PCSK1: variants seen among roughly 807,000 people sequenced by gnomAD.
PCSK1 encodes the protein neuroendocrine convertase 1.
Under a neutral mutation model 90.6 loss-of-function variants are expected in PCSK1, and 56 were observed. The observed-to-expected ratio is 0.62, with a 90% CI of 0.50 to 0.77. The LOEUF is 0.77. Among genes scored for constraint, PCSK1 ranks in the 30% least tolerant of loss-of-function variants. PCSK1 has a pLI of 0.00. For synonymous variants in PCSK1, 348 were observed against 342.4 expected, an observed-to-expected ratio of 1.02 and a Z score of -0.18; for missense variants, 801 against 932.6, an observed-to-expected ratio of 0.86 and a Z score of 1.84.
chr5:96,425,715 A>T, intron 3 of PCSK1, 105 bp downstream of exon 3: 1 of 686,616 alleles, frequency 1.5e-6, no homozygotes, highest in Non-Finnish European at 2.6e-6. Flanking sequence ...GCTCCCTATG[A>T]AATTCTCCAT....
At chr5:96,425,229 C>A (rs978906298) in intron 3 of PCSK1, among the ~76,000 whole-genome samples, 3 of 152,188 alleles carry the variant, frequency 2.0e-5, no homozygotes, top group African/African-American at 7.2e-5. Context: ...ACAGACGTAA[C>A]ATTAAACAGA....
intron 2 of PCSK1, among the ~76,000 whole-genome samples, chr5:96,428,541 A>G (rs1761389557): frequency 6.6e-6 from 1 of 152,196 alleles, no homozygotes; most frequent in Non-Finnish European, 1.5e-5. Context: ...AACTGCCTCT[A>G]CCTTATTTAC....
chr5:96,423,503 C>T, intron 3 of PCSK1, 44 bp from the exon 4 acceptor site: 2 of 1,600,296 alleles, frequency 1.2e-6, no homozygotes, highest in Non-Finnish European at 8.6e-7. Flanking sequence ...TTATCATTTG[C>T]TTGCTACAAA....
intron 3 of PCSK1, among the ~76,000 whole-genome samples, chr5:96,425,540 A>G (rs114679760): frequency 0.025 from 3,745 of 152,316 alleles, 151 homozygotes; most frequent in African/African-American, 0.086. Context: ...CCTAACCTGC[A>G]AGATATTATT....
intron 3 of PCSK1, among the ~76,000 whole-genome samples, chr5:96,424,447 C>T (rs1761221089): frequency 6.6e-6 from 1 of 152,166 alleles, no homozygotes; most frequent in Admixed American, 6.5e-5. Context: ...GAATTATAGT[C>T]CCACCACTAG....
Position 96,392,906 on chromosome 5 carries a change from A to C in PCSK1, c.*95T>G, listed in dbSNP as rs1759995791. 8.1e-7 allele frequency: 1 copy of C among 1,234,758 alleles called. No individual in the cohort carries two copies. Among genetic ancestry groups the C allele is most frequent in the Admixed American group, 1.7e-5 (1 of 58,984 alleles). The allele number at this position is 1,234,758 out of a possible 1,614,324, so 76.5% of individuals were successfully genotyped here. A position where few individuals can be genotyped will look rare whatever the true frequency, so the allele number is the denominator to read the frequency against. On this transcript the variant is annotated 3_prime_UTR_variant, in exon 14 of 14. Transcript: ENST00000311106. ...GTGCCACAAAGGATATTATAAGCATAAGAATTCATGACAAAACAACCACTT... is the reference window on the plus strand; with the variant it reads ...GTGCCACAAAGGATATTATAAGCATCAGAATTCATGACAAAACAACCACTT...
intron 4 of PCSK1, 136 bp downstream of exon 4, chr5:96,423,177 A>G: frequency 1.3e-6 from 1 of 789,868 alleles, no homozygotes; most frequent in Non-Finnish European, 2.2e-6. Flanking sequence ...GGGAAGTGGG[A>G]GAAGGGACAT....
Position 96,392,902 on chromosome 5 carries a change from G to A in PCSK1, c.*99C>T, listed in dbSNP as rs1188993694. Reference sequence around the variant, plus strand: ...AAAGGTGCCACAAAGGATATTATAAGCATAAGAATTCATGACAAAACAACC... The same window carrying A: ...AAAGGTGCCACAAAGGATATTATAAACATAAGAATTCATGACAAAACAACC... On this transcript the variant is annotated 3_prime_UTR_variant, in exon 14 of 14. Coordinates refer to ENST00000311106, the MANE Select transcript of PCSK1 (RefSeq NM_000439.5). 8.5e-7 allele frequency: 1 copy of A among 1,175,860 alleles called. No individual in the cohort carries two copies. Among genetic ancestry groups the A allele is most frequent in the African/African-American group, 1.5e-5 (1 of 66,268 alleles). The allele number at this position is 1,175,860 out of a possible 1,614,324, so 72.8% of individuals were successfully genotyped here. A position where few individuals can be genotyped will look rare whatever the true frequency, so the allele number is the denominator to read the frequency against.
intron 13 of PCSK1, among the ~76,000 whole-genome samples, chr5:96,394,164 C>T (rs892575669): frequency 2.0e-5 from 3 of 152,146 alleles, no homozygotes; most frequent in Non-Finnish European, 2.9e-5. Context: ...CAGAGCAGGG[C>T]GTTCTGAAAA....
At chr5:96,422,878 C>A (rs528410044) in intron 4 of PCSK1, among the ~76,000 whole-genome samples, 1 of 149,424 alleles carries the variant, frequency 6.7e-6, no homozygotes, top group South Asian at 2.1e-4. Flanking sequence ...GTGGTATTCA[C>A]TTTGGATTTG....
chr5:96,394,386 G>T (rs1377489235), intron 13 of PCSK1, among the ~76,000 whole-genome samples: 1 of 152,202 alleles, frequency 6.6e-6, no homozygotes. Flanking sequence ...TTGCCAAGAA[G>T]TGTCAGTTAA....
rs115580806 is a variant in PCSK1 at position 96,410,150 on chromosome 5, A to G, written c.1095+624T>C. Among the ~76,000 whole-genome samples the G allele has an allele frequency of 7.1e-3, 1,079 of 152,184 alleles. 13 individuals are homozygous for G. Among genetic ancestry groups the G allele is most frequent in the African/African-American group, 0.025 (1,039 of 41,526 alleles). On this transcript the variant is annotated intron_variant, in intron 8 of 13. Transcript: ENST00000311106. ...TGCCCCTCCATCGTCATGCCCTTGAAGGGAAATCCAGTAATTGCCCTTGGC... is the reference window on the plus strand; with the variant it reads ...TGCCCCTCCATCGTCATGCCCTTGAGGGGAAATCCAGTAATTGCCCTTGGC...
rs1424774712 is a variant in PCSK1, at chr5:96,391,146, G to A, written c.*1855C>T. The A allele has an allele frequency of 6.6e-6, 1 of 152,132 alleles. No individual in the cohort carries two copies. The highest frequency in any genetic ancestry group is 1.5e-5 in the Non-Finnish European group (1 of 68,036). 9.4% of individuals were successfully genotyped at this position (152,132 alleles called of 1,614,324 possible). The stretch of plus-strand genomic sequence containing the variant: ...TCAAACAATATATGAAACTTCCAAG[G>A]ACAGAGTGATTCCGCAAGTCTTTTA... On this transcript the variant is annotated 3_prime_UTR_variant, in exon 14 of 14. Coordinates refer to ENST00000311106, the MANE Select transcript of PCSK1 (RefSeq NM_000439.5).
intron 8 of PCSK1, among the ~76,000 whole-genome samples, chr5:96,409,453 G>T (rs1203537329): frequency 6.6e-6 from 1 of 152,208 alleles, no homozygotes; most frequent in Non-Finnish European, 1.5e-5. Context: ...TGAGGAAAAG[G>T]TTTGCGTAAG....
chr5:96,423,776 C>G (rs145839357), intron 3 of PCSK1, among the ~76,000 whole-genome samples: 2 of 152,288 alleles, frequency 1.3e-5, no homozygotes, highest in South Asian at 4.2e-4. Flanking sequence ...CATGCTCAAC[C>G]CTTTCATCTA....
chr5:96,418,013 A>T (rs1365483924), intron 5 of PCSK1, among the ~76,000 whole-genome samples: 3 of 152,240 alleles, frequency 2.0e-5, no homozygotes, highest in African/African-American at 7.2e-5. Context: ...CAACAGAATC[A>T]ATCTGCTGAC....
Position 96,425,403 on chromosome 5 carries a change from A to G in PCSK1, c.396+417T>C, listed in dbSNP as rs531830056. 8.5e-5 allele frequency among the ~76,000 whole-genome samples: 13 copies of G among 152,360 alleles called. No individual in the cohort carries two copies. The South Asian group carries it at 2.5e-3, about 29-fold the overall frequency. On this transcript the variant is annotated intron_variant, in intron 3 of 13. Coordinates refer to ENST00000311106, the MANE Select transcript of PCSK1 (RefSeq NM_000439.5). ...TTTCAGAGATTCTCATCTGTGTCAT[A>G]TAAGAATTGTCATTCAGGGTTGTAT...
intron 5 of PCSK1, among the ~76,000 whole-genome samples, chr5:96,416,849 C>A (rs1053891010): frequency 1.3e-5 from 2 of 152,180 alleles, no homozygotes; most frequent in Non-Finnish European, 2.9e-5. Flanking sequence ...AAGAAAAATG[C>A]GTCTTCCAAA....
chr5:96,430,523 G>C (rs999788748), intron 1 of PCSK1, among the ~76,000 whole-genome samples: 1 of 152,144 alleles, frequency 6.6e-6, no homozygotes, highest in Non-Finnish European at 1.5e-5. Context: ...GCTTAGCTCT[G>C]TTTTCTCTGC....
Sources: gnomAD v4.1 joint callset for allele counts (sites outside exome capture counted in the v4.1 genomes callset) on GRCh38, gnomAD v4.1.1 for gene constraint, MANE v1.5 for transcripts, NCBI Gene and HGNC (gene_info 2026-07-23, HGNC 2026-07-21) for gene names.